Variants in NALF1 observed in about 807,000 individuals in gnomAD.
NALF1 encodes the protein family with sequence similarity 155 member A.
NALF1 carries 3 observed loss-of-function variants against 48.4 expected under a neutral mutation model. The ratio of observed to expected loss-of-function variants is 0.06; its 90% CI spans 0.03 to 0.16. The LOEUF (loss-of-function observed/expected upper bound fraction) is 0.16, where lower values mean the gene tolerates loss of function less well. NALF1 is among the 10% of genes least tolerant of loss of function. NALF1 has a pLI of 1.00. For missense variants in NALF1, 526 were observed against 571.5 expected (o/e 0.92, Z 0.81); for synonymous variants, 262 against 245.7 (o/e 1.07, Z -0.62).
chr13:107,431,753 C>T (rs139835637), intron 1 of NALF1, among the ~76,000 whole-genome samples: 71 of 152,222 alleles, frequency 4.7e-4, no homozygotes, highest in African/African-American at 1.6e-3. Context: ...CTTCTGTCTA[C>T]CAGACTTTCT....
intron 1 of NALF1, among the ~76,000 whole-genome samples, chr13:107,445,102 C>T (rs1017844447): frequency 6.6e-6 from 1 of 152,118 alleles, no homozygotes; most frequent in African/African-American, 2.4e-5. Context: ...CAGATTTCCA[C>T]AAGCACCTAT....
chr13:107,578,659 T>C (rs544897833), intron 1 of NALF1, among the ~76,000 whole-genome samples: 2 of 152,336 alleles, frequency 1.3e-5, no homozygotes, highest in African/African-American at 4.8e-5. Context: ...CATTGTGATA[T>C]GAATCTTATT....
At chr13:107,411,072 C>A (rs569674400) in intron 1 of NALF1, among the ~76,000 whole-genome samples, 1 of 152,080 alleles carries the variant, frequency 6.6e-6, no homozygotes, top group African/African-American at 2.4e-5. Context: ...GGAAATAATA[C>A]GTTTCCTTTA....
At chr13:107,180,529 C>A (rs566969797) in intron 2 of NALF1, among the ~76,000 whole-genome samples, 2 of 151,964 alleles carry the variant, frequency 1.3e-5, no homozygotes, top group South Asian at 4.2e-4. Flanking sequence ...ATTCTGATTG[C>A]TGAAGCTTAG....
chr13:107,295,441 A>C lies in NALF1; in HGVS notation c.916-84686T>G, dbSNP rs183530620. Among the ~76,000 whole-genome samples the C allele has an allele frequency of 3.8e-4, 58 of 152,292 alleles. 1 individual carries two copies. In the East Asian group the frequency reaches 0.011, roughly 29 times the overall value. On this transcript the variant is annotated intron_variant, in intron 1 of 2. Transcript: ENST00000375915. ...GTCTTTGCTATTGTGAATAGTATGCAGTGCATTTCTTTCAGTGACATCTCA... is the reference window on the plus strand; with the variant it reads ...GTCTTTGCTATTGTGAATAGTATGCCGTGCATTTCTTTCAGTGACATCTCA...
intron 1 of NALF1, among the ~76,000 whole-genome samples, chr13:107,587,984 C>T (rs1171837957): frequency 6.6e-6 from 1 of 152,052 alleles, no homozygotes; most frequent in Non-Finnish European, 1.5e-5. Context: ...AACGACTGGC[C>T]AGCTTATGAA....
chr13:107,808,672 A>T (rs114014476), intron 1 of NALF1, among the ~76,000 whole-genome samples: 226 of 129,438 alleles, frequency 1.7e-3, no homozygotes, highest in Middle Eastern at 3.8e-3. Context: ...ACAGATTTAA[A>T]AAAAAAAAAA....
chr13:107,199,002 C>T (rs1353948222), intron 2 of NALF1, among the ~76,000 whole-genome samples: 2 of 152,072 alleles, frequency 1.3e-5, no homozygotes, highest in East Asian at 1.9e-4. Flanking sequence ...GTAAGGCCTT[C>T]AAAGGGGTGC....
At chr13:107,358,166 A>ATGTGTGTGTGTG (rs1491390261) in intron 1 of NALF1, among the ~76,000 whole-genome samples, 16 of 121,726 alleles carry the variant, frequency 1.3e-4, no homozygotes, top group Middle Eastern at 0.01. Context: ...TATACGTAAC[A>ATGTGTGTGTGTG]TATGTGTGTG....
chr13:107,202,529 T>C (rs895870406), intron 2 of NALF1, among the ~76,000 whole-genome samples: 7 of 152,136 alleles, frequency 4.6e-5, no homozygotes, highest in Admixed American at 3.3e-4. Context: ...TGTGTGTGTG[T>C]ATTCATCCTA....
chr13:107,234,484 A>G (rs977987641), intron 1 of NALF1, among the ~76,000 whole-genome samples: 1 of 152,196 alleles, frequency 6.6e-6, no homozygotes. Flanking sequence ...ATAAACATCA[A>G]AGACAGGCGG....
Position 107,624,231 on chromosome 13 carries a change from C to G in NALF1, c.915+241451G>C, listed in dbSNP as rs137952852. Among the ~76,000 whole-genome samples the G allele has an allele frequency of 2.1e-3, 324 of 152,234 alleles. 1 individual carries two copies. The highest frequency in any genetic ancestry group is 7.5e-3 in the African/African-American group (310 of 41,550). On this transcript the variant is annotated intron_variant, in intron 1 of 2. Transcript: ENST00000375915. ...GAGGGAGTATTCGCCGTTCTTCTGA[C>G]TTTGTAGCTAATGTTCTTCTACTAA...
chr13:107,631,532 C>A (rs2138448936), intron 1 of NALF1, among the ~76,000 whole-genome samples: 1 of 152,078 alleles, frequency 6.6e-6, no homozygotes, highest in African/African-American at 2.4e-5. Flanking sequence ...GAAACAATGC[C>A]ACTGAGTTTA....
At chr13:107,700,888 G>A (rs1029983959) in intron 1 of NALF1, among the ~76,000 whole-genome samples, 2 of 152,040 alleles carry the variant, frequency 1.3e-5, no homozygotes, top group Non-Finnish European at 2.9e-5. Context: ...TATATGAAAA[G>A]GTGCTCAACA....
chr13:107,623,057 A>G (rs556850247), intron 1 of NALF1, among the ~76,000 whole-genome samples: 1 of 152,182 alleles, frequency 6.6e-6, no homozygotes, highest in South Asian at 2.1e-4. Flanking sequence ...ACATGCTCTT[A>G]AGAATGTCAT....
chr13:107,203,994 C>T (rs980874942), intron 2 of NALF1, among the ~76,000 whole-genome samples: 1 of 136,660 alleles, frequency 7.3e-6, no homozygotes, highest in Non-Finnish European at 1.7e-5. Flanking sequence ...CCCAGGTGAG[C>T]TGGAGGCAGA....
chr13:107,215,586 C>G (rs7490175), intron 1 of NALF1, among the ~76,000 whole-genome samples: 6 of 151,840 alleles, frequency 4.0e-5, no homozygotes, highest in African/African-American at 1.2e-4. Context: ...TTCCTGATTA[C>G]GGGGAGTGAT....
intron 1 of NALF1, among the ~76,000 whole-genome samples, chr13:107,809,006 A>G (rs1878902760): frequency 6.6e-6 from 1 of 152,110 alleles, no homozygotes; most frequent in Non-Finnish European, 1.5e-5. Flanking sequence ...TAAACTATAC[A>G]AAATTTTCAG....
chr13:107,439,717 C>T (rs1184772239), intron 1 of NALF1, among the ~76,000 whole-genome samples: 1 of 152,050 alleles, frequency 6.6e-6, no homozygotes, highest in Non-Finnish European at 1.5e-5. Context: ...GGAGGTAAAC[C>T]AGAGTCACTC....
Sources: allele counts gnomAD v4.1 joint callset (sites outside exome capture counted in the v4.1 genomes callset), GRCh38; gene constraint gnomAD v4.1.1; transcripts MANE v1.5; gene names NCBI Gene and HGNC (gene_info 2026-07-23, HGNC 2026-07-21).